CHRM3: variants seen among roughly 807,000 people sequenced by gnomAD.
The protein encoded by CHRM3 is muscarinic acetylcholine receptor M3.
A neutral mutation model predicts 41.8 loss-of-function variants in CHRM3; 11 were observed. That is an observed-to-expected ratio of 0.26 (90% CI 0.17 to 0.44). The LOEUF (loss-of-function observed/expected upper bound fraction) is 0.44. Ranked by LOEUF, CHRM3 falls within the 20% of genes least tolerant of loss-of-function variation. CHRM3 has a pLI of 1.00. For missense variants in CHRM3, 571 were observed against 745.4 expected (o/e 0.77, Z 2.72); for synonymous variants, 297 against 301.4 (o/e 0.99, Z 0.15).
intron 2 of CHRM3, among the ~76,000 whole-genome samples, chr1:239,523,605 G>GT (rs1669797925): frequency 1.3e-5 from 2 of 152,052 alleles, no homozygotes; most frequent in African/African-American, 4.8e-5. Context: ...ACCCTCTCTT[G>GT]TTGTCATATT....
At chr1:239,400,890 A>C (rs914010105) in intron 1 of CHRM3, among the ~76,000 whole-genome samples, 2 of 152,190 alleles carry the variant, frequency 1.3e-5, no homozygotes, top group Admixed American at 1.3e-4. Flanking sequence ...ATATATACAT[A>C]AAAGGAAACT....
rs527959342 is a variant in CHRM3, at chr1:239,642,873, G to GT, written c.-250+10593dup. ...TTAGAGTTTCCAGTTTTTCTGCTCT[G>GT]TTTTTTCCCCATCTTTGTGGTTTTA... is the stretch of plus-strand genomic sequence containing the variant. On this transcript the variant is annotated intron_variant, in intron 4 of 6. Coordinates refer to ENST00000676153, the MANE Select transcript of CHRM3 (RefSeq NM_001375978.1). 3.3e-4 allele frequency among the ~76,000 whole-genome samples: 50 copies of GT among 152,242 alleles called. No individual in the cohort carries two copies. In the South Asian group the frequency reaches 9.3e-3, roughly 28 times the overall value.
rs555162937 is a variant in CHRM3, at chr1:239,490,525, T to G, written c.-520-2184T>G. Among the ~76,000 whole-genome samples, 4 of 152,156 alleles carry G rather than the reference T, an allele frequency of 2.6e-5. No homozygotes were observed. In the South Asian group the frequency reaches 8.3e-4, roughly 32 times the overall value. ...CACAAGACCTAATGATTAGTAAATA[T>G]CTCTTGAATTGAATACGTTCTGTTT... is the stretch of plus-strand genomic sequence containing the variant. On this transcript the variant is annotated intron_variant, in intron 1 of 6. Coordinates refer to ENST00000676153, the MANE Select transcript of CHRM3 (RefSeq NM_001375978.1).
At chr1:239,405,877 G>A (rs533354969) in intron 1 of CHRM3, among the ~76,000 whole-genome samples, 6 of 152,076 alleles carry the variant, frequency 3.9e-5, no homozygotes, top group African/African-American at 7.2e-5. Flanking sequence ...TTTATAGAGG[G>A]CAAGACGGAT....
intron 2 of CHRM3, among the ~76,000 whole-genome samples, chr1:239,510,980 C>T (rs1480833901): frequency 4.6e-5 from 7 of 152,218 alleles, no homozygotes; most frequent in East Asian, 3.9e-4. Flanking sequence ...AATGAGACTA[C>T]AGCAACGACA....
At chr1:239,465,651 C>T (rs1002697133) in intron 1 of CHRM3, among the ~76,000 whole-genome samples, 3 of 152,144 alleles carry the variant, frequency 2.0e-5, no homozygotes, top group Non-Finnish European at 2.9e-5. Context: ...TCACTTTCTC[C>T]ACTTTCGTAT....
intron 5 of CHRM3, among the ~76,000 whole-genome samples, chr1:239,679,734 G>T (rs1658374599): frequency 1.3e-5 from 2 of 151,528 alleles, no homozygotes; most frequent in Admixed American, 6.6e-5. Flanking sequence ...TATTTATTTT[G>T]GGCCTACACA....
At chr1:239,431,470 A>T (rs1185965339) in intron 1 of CHRM3, among the ~76,000 whole-genome samples, 1 of 152,196 alleles carries the variant, frequency 6.6e-6, no homozygotes, top group Non-Finnish European at 1.5e-5. Context: ...CCTAACAAGG[A>T]AATAAATTTT....
chr1:239,432,067 G>T (rs964052084), intron 1 of CHRM3, among the ~76,000 whole-genome samples: 1 of 152,080 alleles, frequency 6.6e-6, no homozygotes, highest in African/African-American at 2.4e-5. Flanking sequence ...GAGGGTAGTC[G>T]TGAAGTCTCG....
In CHRM3 at chr1:239,499,146, C is replaced by A. The variant is rs60101516; in HGVS notation, c.-422+6339C>A. On this transcript the variant is annotated intron_variant, in intron 2 of 6. Transcript: ENST00000676153. ...GTTACTAGAAATAAAGGGTGAATTT[C>A]TTCAACTTGATAGGTTACTTCTGAC... Among the ~76,000 whole-genome samples, 25 of 152,222 alleles carry A rather than the reference C, an allele frequency of 1.6e-4. No individual in the cohort carries two copies. In the East Asian group the frequency reaches 4.4e-3, roughly 27 times the overall value.
chr1:239,657,880 CT>C (rs1438192345), intron 4 of CHRM3, among the ~76,000 whole-genome samples: 2 of 151,920 alleles, frequency 1.3e-5, no homozygotes, highest in African/African-American at 2.4e-5. Context: ...CTACATCATT[CT>C]TCACGATTGT....
chr1:239,739,179 C>T (rs1016077654), intron 5 of CHRM3, among the ~76,000 whole-genome samples: 4 of 152,144 alleles, frequency 2.6e-5, no homozygotes, highest in Admixed American at 2.6e-4. Context: ...CAGGGCACAG[C>T]AGCACCAGCA....
chr1:239,421,993 G>A (rs1342869503), intron 1 of CHRM3, among the ~76,000 whole-genome samples: 1 of 152,150 alleles, frequency 6.6e-6, no homozygotes, highest in East Asian at 1.9e-4. Flanking sequence ...TTTAGATGAT[G>A]TCACCATAAA....
intron 3 of CHRM3, among the ~76,000 whole-genome samples, chr1:239,547,372 T>C (rs934766657): frequency 2.0e-5 from 3 of 152,184 alleles, no homozygotes; most frequent in African/African-American, 7.2e-5. Context: ...CATAGGCTTG[T>C]TGTATGGATT....
intron 1 of CHRM3, among the ~76,000 whole-genome samples, chr1:239,486,124 C>A (rs564827323): frequency 6.6e-6 from 1 of 152,342 alleles, no homozygotes; most frequent in South Asian, 2.1e-4. Context: ...CACGTCCCCA[C>A]ACACAGGTTC....
rs558748258 is a variant in CHRM3 at position 239,453,989 on chromosome 1, A to T, written c.-520-38720A>T. Among the ~76,000 whole-genome samples the T allele has an allele frequency of 8.8e-4, 134 of 152,308 alleles. 1 individual carries two copies. The highest frequency in any genetic ancestry group is 3.2e-3 in the African/African-American group (132 of 41,564). On this transcript the variant is annotated intron_variant, in intron 1 of 6. Coordinates refer to ENST00000676153, the MANE Select transcript of CHRM3 (RefSeq NM_001375978.1). The stretch of plus-strand genomic sequence containing the variant: ...GAAGTGTATAATAGTAGGAAAAAAT[A>T]AACTAACAGTTTTATCCTACTGTAC...
At chr1:239,721,887 G>A (rs912742885) in intron 5 of CHRM3, among the ~76,000 whole-genome samples, 1 of 151,868 alleles carries the variant, frequency 6.6e-6, no homozygotes, top group Non-Finnish European at 1.5e-5. Context: ...CAGCAGGTGA[G>A]CGAGGGAAAT....
intron 1 of CHRM3, among the ~76,000 whole-genome samples, chr1:239,442,829 T>C (rs1439496037): frequency 6.6e-6 from 1 of 152,212 alleles, no homozygotes; most frequent in Non-Finnish European, 1.5e-5. Flanking sequence ...TAGCGTCTTT[T>C]CTGGTGAATT....
chr1:239,552,111 G>T (rs1442421243), intron 3 of CHRM3, among the ~76,000 whole-genome samples: 1 of 149,706 alleles, frequency 6.7e-6, no homozygotes, highest in African/African-American at 2.4e-5. Context: ...ATGAAATATG[G>T]CTATTTCTTT....
Sources: allele counts gnomAD v4.1 joint callset (sites outside exome capture counted in the v4.1 genomes callset), GRCh38; gene constraint gnomAD v4.1.1; transcripts MANE v1.5; gene names NCBI Gene and HGNC (gene_info 2026-07-23, HGNC 2026-07-21).